CR1: variants seen among roughly 807,000 people sequenced by gnomAD.
CR1 encodes complement receptor type 1.
A neutral mutation model predicts 187.3 loss-of-function variants in CR1; 116 were observed. The ratio of observed to expected loss-of-function variants is 0.62; its 90% CI spans 0.53 to 0.72. CR1 has a LOEUF of 0.72. CR1 is among the 30% of genes least tolerant of loss of function. CR1 has a pLI of 0.00. For synonymous variants in CR1, 576 were observed against 747.1 expected (o/e 0.77, Z 3.73); for missense variants, 1,731 against 2,110.7 (o/e 0.82, Z 3.52).
Position 207,639,297 on chromosome 1 carries a change from T to C in CR1, c.7458-100T>C. 3.6e-6 allele frequency: 4 copies of C among 1,115,212 alleles called. No homozygotes were observed. The South Asian group carries it at 5.6e-5, about 16-fold the overall frequency. 69.1% of individuals were successfully genotyped at this position (1,115,212 alleles called of 1,614,324 possible). ...TAAAGCAACTCCTGTTATTGTGGAA[T>C]AAAGTTTAGAAAATATCCAAAGCTT... On this transcript the variant is annotated intron_variant, in intron 46 of 46. Transcript: ENST00000367049.
intron 4 of CR1, among the ~76,000 whole-genome samples, chr1:207,515,031 A>G (rs1659746328): frequency 6.8e-6 from 1 of 148,098 alleles, no homozygotes; most frequent in African/African-American, 2.5e-5. Context: ...ACACACATAT[A>G]TACATATATA....
intron 27 of CR1, among the ~76,000 whole-genome samples, chr1:207,574,312 G>A (rs1034051000): frequency 2.0e-5 from 3 of 152,024 alleles, no homozygotes; most frequent in Admixed American, 6.6e-5. Flanking sequence ...TATAATACCC[G>A]CAAAAGAAAT....
chr1:207,503,166 C>A (rs1264259693), intron 1 of CR1, among the ~76,000 whole-genome samples: 1 of 152,136 alleles, frequency 6.6e-6, no homozygotes, highest in Non-Finnish European at 1.5e-5. Flanking sequence ...TTTTGATTCT[C>A]CCTGCAAACC....
chr1:207,517,551 T>C (rs1659843689), intron 4 of CR1, among the ~76,000 whole-genome samples: 1 of 152,166 alleles, frequency 6.6e-6, no homozygotes, highest in African/African-American at 2.4e-5. Flanking sequence ...AAATTATTTA[T>C]TTTTTCTAGT....
chr1:207,616,217 TTGTC>T (rs1167697734), intron 40 of CR1, among the ~76,000 whole-genome samples: 1 of 152,188 alleles, frequency 6.6e-6, no homozygotes, highest in African/African-American at 2.4e-5. Flanking sequence ...GACCAAAACT[TTGTC>T]TGTCTTGAAC....
intron 4 of CR1, 149 bp downstream of exon 4, chr1:207,511,803 T>A (rs1272581328): frequency 1.5e-6 from 1 of 661,196 alleles, no homozygotes; most frequent in Non-Finnish European, 2.4e-6. Flanking sequence ...TCCTATGGGG[T>A]TCCTGGCAAC....
chr1:207,621,880 G>A, intron 43 of CR1, 93 bp from the exon 44 acceptor site: 1 of 1,038,438 alleles, frequency 9.6e-7, no homozygotes, highest in South Asian at 1.7e-5. Flanking sequence ...GAGTCCTGAA[G>A]AAAAATCAGG....
chr1:207,601,972 G>A lies in CR1; in HGVS notation c.5811-5279G>A, dbSNP rs202213311. Among the ~76,000 whole-genome samples the A allele has an allele frequency of 5.3e-5, 8 of 152,166 alleles. No individual in the cohort carries two copies. The East Asian group carries it at 1.2e-3, about 22-fold the overall frequency. ...AAGGACAGCTGGCCTCTCCCAGAATGAGCATCTCAAAAAGAGAAGAAAACA... is the reference window on the plus strand; with the variant it reads ...AAGGACAGCTGGCCTCTCCCAGAATAAGCATCTCAAAAAGAGAAGAAAACA... On this transcript the variant is annotated intron_variant, in intron 35 of 46. Coordinates refer to ENST00000367049, the MANE Select transcript of CR1 (RefSeq NM_000651.6).
chr1:207,608,582 AT>A, intron 36 of CR1, among the ~76,000 whole-genome samples: 1 of 152,316 alleles, frequency 6.6e-6, no homozygotes, highest in African/African-American at 2.4e-5. Flanking sequence ...GGTGCCTCCC[AT>A]ATCTGCCAAG....
intron 37 of CR1, among the ~76,000 whole-genome samples, chr1:207,611,117 C>A (rs1481278431): frequency 1.3e-5 from 2 of 151,828 alleles, no homozygotes; most frequent in Admixed American, 1.3e-4. Context: ...GTTCTTGATG[C>A]CTCCTCTTTT....
At chr1:207,585,217 C>A (rs1186253983) in intron 33 of CR1, among the ~76,000 whole-genome samples, 1 of 152,090 alleles carries the variant, frequency 6.6e-6, no homozygotes, top group African/African-American at 2.4e-5. Context: ...TGAACACTAA[C>A]CAGTATCTGT....
intron 28 of CR1, among the ~76,000 whole-genome samples, chr1:207,576,252 C>T (rs1660740219): frequency 6.6e-6 from 1 of 152,130 alleles, no homozygotes. Flanking sequence ...CAATTTCAAA[C>T]CCAGTTGGTG....
intron 27 of CR1, among the ~76,000 whole-genome samples, chr1:207,575,340 C>G (rs776184869): frequency 1.3e-5 from 2 of 152,072 alleles, no homozygotes; most frequent in Non-Finnish European, 2.9e-5. Flanking sequence ...GTTTTATTTT[C>G]GTGCCAGTTG....
At chr1:207,513,784 T>TTCCGTCCTTCC in intron 4 of CR1, among the ~76,000 whole-genome samples, 1 of 95,284 alleles carries the variant, frequency 1.0e-5, no homozygotes, top group South Asian at 4.0e-4. Flanking sequence ...TCCTTCCTTC[T>TTCCGTCCTTCC]TTCCTTCCTT....
At chr1:207,588,619 C>T (rs1433441495) in intron 34 of CR1, 56 bp from the exon 35 acceptor site, 3 of 1,211,740 alleles carry the variant, frequency 2.5e-6, no homozygotes, top group African/African-American at 3.0e-5. Flanking sequence ...CAGTCTGAAC[C>T]TTACAAAGGT....
chr1:207,521,266 C>T (rs370254008), intron 4 of CR1, among the ~76,000 whole-genome samples: 1 of 151,974 alleles, frequency 6.6e-6, no homozygotes, highest in Non-Finnish European at 1.5e-5. Context: ...CATGAGCCAC[C>T]GTGCCAGGCC....
At chr1:207,507,097 A>T (rs377358437) in intron 3 of CR1, 8 of 326,478 alleles carry the variant, frequency 2.5e-5, no homozygotes, top group Middle Eastern at 9.0e-4. Context: ...GTCAAAGCAC[A>T]CAAACAGCCT....
At chr1:207,611,641 T>C in intron 37 of CR1, 36 bp from the exon 38 acceptor site, 1 of 1,610,422 alleles carries the variant, frequency 6.2e-7, no homozygotes, top group Non-Finnish European at 8.5e-7. Context: ...AATTGCCCCA[T>C]ATCTAACAAG....
At chr1:207,600,841 G>A (rs1033502029) in intron 35 of CR1, 1 of 152,144 alleles carries the variant, frequency 6.6e-6, no homozygotes, top group African/African-American at 2.4e-5. Context: ...AATATCGCCA[G>A]TCAGCTTCAA....
Sources: allele counts gnomAD v4.1 joint callset (sites outside exome capture counted in the v4.1 genomes callset), GRCh38; gene constraint gnomAD v4.1.1; transcripts MANE v1.5; gene names NCBI Gene and HGNC (gene_info 2026-07-23, HGNC 2026-07-21).